DCC: variants seen among roughly 807,000 people sequenced by gnomAD.
The protein encoded by DCC is DCC netrin 1 receptor, also known as netrin receptor DCC.
DCC carries 58 observed loss-of-function variants against 172.5 expected under a neutral mutation model. The observed-to-expected ratio is 0.34, with a 90% CI of 0.27 to 0.42. The LOEUF (loss-of-function observed/expected upper bound fraction) is 0.42, where lower values mean the gene tolerates loss of function less well. Ranked by LOEUF, DCC falls within the 10% of genes least tolerant of loss-of-function variation. The pLI is 1.00. For missense variants in DCC, 1,740 were observed against 1,791.0 expected, an observed-to-expected ratio of 0.97 and a Z score of 0.51; for synonymous variants, 709 against 644.5, an observed-to-expected ratio of 1.10 and a Z score of -1.52.
At chr18:52,669,823 G>T (rs1482969191) in intron 1 of DCC, among the ~76,000 whole-genome samples, 1 of 152,176 alleles carries the variant, frequency 6.6e-6, no homozygotes, top group African/African-American at 2.4e-5. Flanking sequence ...TTCAGATATT[G>T]TAGGTAAGGA....
At chr18:53,240,147 A>G (rs1312837369) in intron 12 of DCC, among the ~76,000 whole-genome samples, 2 of 151,842 alleles carry the variant, frequency 1.3e-5, no homozygotes, top group Non-Finnish European at 2.9e-5. Context: ...TATAATTACT[A>G]TGAAAGTTAT....
chr18:53,497,276 C>T (rs1322971100), intron 26 of DCC, among the ~76,000 whole-genome samples: 3 of 152,220 alleles, frequency 2.0e-5, no homozygotes, highest in Non-Finnish European at 4.4e-5. Context: ...CAAACTCTTT[C>T]TGATGAATAA....
intron 5 of DCC, among the ~76,000 whole-genome samples, chr18:53,031,576 A>G (rs2143961775): frequency 6.6e-6 from 1 of 152,238 alleles, no homozygotes; most frequent in South Asian, 2.1e-4. Context: ...TCAAATTTTG[A>G]ATACAAAATA....
intron 1 of DCC, among the ~76,000 whole-genome samples, chr18:52,695,080 G>A (rs773151051): frequency 2.3e-4 from 35 of 152,042 alleles, no homozygotes; most frequent in Non-Finnish European, 2.6e-4. Flanking sequence ...TGTAAAGTTG[G>A]GTAAAGCAGG....
At chr18:53,065,280 C>T (rs966746799) in intron 6 of DCC, among the ~76,000 whole-genome samples, 9 of 152,240 alleles carry the variant, frequency 5.9e-5, no homozygotes, top group East Asian at 3.9e-4. Flanking sequence ...TGATTTAACA[C>T]GTTTCACTTA....
At chr18:52,541,961 AC>A (rs1203521857) in intron 1 of DCC, among the ~76,000 whole-genome samples, 1 of 146,246 alleles carries the variant, frequency 6.8e-6, no homozygotes, top group African/African-American at 2.5e-5. Context: ...AAATATATAC[AC>A]TATATTATAT....
chr18:52,822,566 C>T (rs533850094), intron 2 of DCC, among the ~76,000 whole-genome samples: 29 of 152,154 alleles, frequency 1.9e-4, no homozygotes, highest in Non-Finnish European at 3.1e-4. Flanking sequence ...TCCAATTCTG[C>T]GTTTTCCCCC....
At chr18:52,403,184 T>C (rs1285717266) in intron 1 of DCC, among the ~76,000 whole-genome samples, 2 of 152,088 alleles carry the variant, frequency 1.3e-5, no homozygotes, top group African/African-American at 4.8e-5. Context: ...TTTCTAGTAA[T>C]TTTTAAGAAA....
intron 12 of DCC, among the ~76,000 whole-genome samples, chr18:53,216,049 A>G (rs1430339116): frequency 6.6e-6 from 1 of 152,198 alleles, no homozygotes; most frequent in African/African-American, 2.4e-5. Context: ...AAATGTAGTC[A>G]TTGAAGGCCA....
rs147151511 is a variant in DCC, at chr18:53,462,446, C to G, written c.3619+2988C>G. 8.4e-4 allele frequency among the ~76,000 whole-genome samples: 128 copies of G among 151,782 alleles called. 1 individual carries two copies. Among genetic ancestry groups the G allele is most frequent in the African/African-American group, 2.9e-3 (121 of 41,386 alleles). ...CACGCTCCTTATAAGAATCTAATGT[C>G]TGATGATCTGTCACTGTCTCCCATA... On this transcript the variant is annotated intron_variant, in intron 24 of 28. Coordinates refer to ENST00000442544, the MANE Select transcript of DCC (RefSeq NM_005215.4).
chr18:52,930,305 T>C (rs1299884191), intron 5 of DCC, among the ~76,000 whole-genome samples: 1 of 151,978 alleles, frequency 6.6e-6, no homozygotes, highest in African/African-American at 2.4e-5. Flanking sequence ...TTTCTTAGTT[T>C]TAATTAAGCG....
chr18:52,352,871 C>T (rs982452651), intron 1 of DCC, among the ~76,000 whole-genome samples: 2 of 152,166 alleles, frequency 1.3e-5, no homozygotes, highest in Non-Finnish European at 2.9e-5. Flanking sequence ...AAGGCATTTG[C>T]ATCACCTGGG....
chr18:52,662,220 G>A lies in DCC; in HGVS notation c.92-89834G>A, dbSNP rs569990525. ...GAATATACATTTCTAACAAGTTACCGGATAGATCCGATGCTACTGGTCTGT... is the reference window on the plus strand; with the variant it reads ...GAATATACATTTCTAACAAGTTACCAGATAGATCCGATGCTACTGGTCTGT... On this transcript the variant is annotated intron_variant, in intron 1 of 28. Transcript: ENST00000442544. Among the ~76,000 whole-genome samples the A allele has an allele frequency of 8.6e-4, 131 of 152,194 alleles. 1 individual carries two copies. Among genetic ancestry groups the A allele is most frequent in the South Asian group, 6.2e-3 (30 of 4,826 alleles).
chr18:53,480,668 T>G (rs1472007699), intron 25 of DCC, among the ~76,000 whole-genome samples: 1 of 152,130 alleles, frequency 6.6e-6, no homozygotes, highest in East Asian at 1.9e-4. Flanking sequence ...TCTGACCCTG[T>G]ACTCTGTTGC....
At chr18:52,794,538 T>C (rs1479245852) in intron 2 of DCC, among the ~76,000 whole-genome samples, 2 of 152,042 alleles carry the variant, frequency 1.3e-5, no homozygotes, top group Non-Finnish European at 2.9e-5. Context: ...AGTTTTTTGG[T>C]GGAGTCTTTA....
intron 1 of DCC, among the ~76,000 whole-genome samples, chr18:52,412,481 T>C (rs1362521194): frequency 6.6e-6 from 1 of 152,154 alleles, no homozygotes; most frequent in Non-Finnish European, 1.5e-5. Context: ...CACACATATA[T>C]ACATATTTAT....
chr18:52,996,143 G>A (rs2145631008), intron 5 of DCC, among the ~76,000 whole-genome samples: 1 of 152,120 alleles, frequency 6.6e-6, no homozygotes, highest in South Asian at 2.1e-4. Context: ...GCATAGCGAT[G>A]TGTAATAGCG....
chr18:52,600,956 A>T (rs1031111249), intron 1 of DCC, among the ~76,000 whole-genome samples: 2 of 152,176 alleles, frequency 1.3e-5, no homozygotes, highest in South Asian at 4.1e-4. Context: ...TAGTGCCAAG[A>T]TTATGAAACA....
chr18:53,388,036 A>T (rs1211188985), intron 16 of DCC, among the ~76,000 whole-genome samples: 1 of 152,226 alleles, frequency 6.6e-6, no homozygotes, highest in African/African-American at 2.4e-5. Flanking sequence ...AGCATATGAC[A>T]TTCCCAAGGT....
Sources: allele counts gnomAD v4.1 joint callset (sites outside exome capture counted in the v4.1 genomes callset), GRCh38; gene constraint gnomAD v4.1.1; transcripts MANE v1.5; gene names NCBI Gene and HGNC (gene_info 2026-07-23, HGNC 2026-07-21).